Variants in GPRC6A observed in about 807,000 individuals in gnomAD.
GPRC6A encodes the protein G protein-coupled receptor class C group 6 member A.
Under a neutral mutation model 47.0 loss-of-function variants are expected in GPRC6A, and 54 were observed. The observed-to-expected ratio is 1.15, with a 90% CI of 0.92 to 1.44. GPRC6A has a LOEUF of 1.44. GPRC6A is among the 40% of genes most tolerant of loss of function. The probability of loss-of-function intolerance (pLI) is 0.00; values close to 1 mark genes in which losing one functional copy is unlikely to be tolerated. For synonymous variants in GPRC6A, 347 were observed against 377.1 expected (o/e 0.92, Z 0.93); for missense variants, 1,112 against 1,105.5 (o/e 1.01, Z -0.08).
intron 3 of GPRC6A, among the ~76,000 whole-genome samples, chr6:116,801,209 G>A (rs2114587317): frequency 6.6e-6 from 1 of 152,224 alleles, no homozygotes; most frequent in East Asian, 1.9e-4. Flanking sequence ...GATTGAGTAT[G>A]TAGTAAAGTG....
chr6:116,822,370 C>G (rs1413748089), intron 1 of GPRC6A, among the ~76,000 whole-genome samples: 3 of 126,526 alleles, frequency 2.4e-5, no homozygotes, highest in African/African-American at 9.4e-5. Context: ...GGTATATACC[C>G]AAAGGATTAT....
intron 3 of GPRC6A, among the ~76,000 whole-genome samples, chr6:116,803,846 T>C (rs1304156280): frequency 6.6e-6 from 1 of 152,168 alleles, no homozygotes; most frequent in Non-Finnish European, 1.5e-5. Context: ...ATTAGCTGTC[T>C]CACTTATGTA....
At chr6:116,812,215 T>C (rs570617370) in intron 1 of GPRC6A, among the ~76,000 whole-genome samples, 15 of 152,264 alleles carry the variant, frequency 9.9e-5, no homozygotes, top group African/African-American at 3.6e-4. Flanking sequence ...AATGAGATGA[T>C]ATATTTAAAG....
chr6:116,799,149 T>C (rs1213074355), intron 4 of GPRC6A, among the ~76,000 whole-genome samples: 2 of 152,268 alleles, frequency 1.3e-5, no homozygotes, highest in African/African-American at 2.4e-5. Flanking sequence ...TGGGAGAGAA[T>C]ATCAGTTCTG....
chr6:116,796,922 G>T (rs1053638154), intron 4 of GPRC6A, among the ~76,000 whole-genome samples: 133 of 152,226 alleles, frequency 8.7e-4, no homozygotes, highest in African/African-American at 3.0e-3. Context: ...TAGGGTACAT[G>T]TGCACGATGT....
intron 4 of GPRC6A, among the ~76,000 whole-genome samples, chr6:116,797,405 T>C (rs1282740866): frequency 6.6e-6 from 1 of 152,188 alleles, no homozygotes; most frequent in East Asian, 1.9e-4. Flanking sequence ...TTTAGGATTA[T>C]CTGATGTTTT....
chr6:116,806,370 C>A lies in GPRC6A; in HGVS notation c.1335G>T (p.Glu445Asp). ...TTTTCTTGGATGTGTGAGTTAGTACCTCCCATGGTTGAAAGGCGTTGGGGT... is the reference window on the plus strand; with the variant it reads ...TTTTCTTGGATGTGTGAGTTAGTACATCCCATGGTTGAAAGGCGTTGGGGT... ...CQNPNAFQPWELLGVLKNVTF... is the reference protein window; with the variant it reads ...CQNPNAFQPWDLLGVLKNVTF... Residue 445 changes from glutamate to aspartate, a missense_variant and splice_region_variant, in exon 3 of 6, where the codon GAG (glutamate) becomes GAT (aspartate). Physicochemically the swap from Glu to Asp is conservative, Grantham distance 45. Transcript: ENST00000310357. 1 of 1,587,954 alleles carries A rather than the reference C, an allele frequency of 6.3e-7. No homozygotes were observed. Among genetic ancestry groups the A allele is most frequent in the Non-Finnish European group, 8.6e-7 (1 of 1,160,424 alleles).
At chr6:116,814,634 A>G (rs1296789289) in intron 1 of GPRC6A, among the ~76,000 whole-genome samples, 1 of 152,192 alleles carries the variant, frequency 6.6e-6, no homozygotes, top group Non-Finnish European at 1.5e-5. Context: ...GGATAGCATT[A>G]GGAGAAATAC....
At chr6:116,824,055 C>T (rs1324245640) in intron 1 of GPRC6A, among the ~76,000 whole-genome samples, 1 of 151,832 alleles carries the variant, frequency 6.6e-6, no homozygotes, top group Non-Finnish European at 1.5e-5. Context: ...GACACAGATC[C>T]AAACCATATC....
At chr6:116,803,423 G>T (rs1280025138) in intron 3 of GPRC6A, among the ~76,000 whole-genome samples, 2 of 152,000 alleles carry the variant, frequency 1.3e-5, no homozygotes, top group Non-Finnish European at 2.9e-5. Flanking sequence ...TCAAACCTTT[G>T]AACATAGTTT....
chr6:116,814,263 C>T (rs1286644510), intron 1 of GPRC6A, among the ~76,000 whole-genome samples: 1 of 152,074 alleles, frequency 6.6e-6, no homozygotes, highest in Non-Finnish European at 1.5e-5. Context: ...GGTATATACC[C>T]AAAGGATTAT....
chr6:116,794,224 T>C (rs1215331829), intron 5 of GPRC6A, among the ~76,000 whole-genome samples: 2 of 152,170 alleles, frequency 1.3e-5, no homozygotes, highest in Non-Finnish European at 2.9e-5. Flanking sequence ...TTTATTAACC[T>C]CAAAGTAAGG....
chr6:116,802,188 A>G (rs1450212873), intron 3 of GPRC6A, among the ~76,000 whole-genome samples: 1 of 152,154 alleles, frequency 6.6e-6, no homozygotes, highest in Admixed American at 6.6e-5. Flanking sequence ...ATAAACTTCC[A>G]CAATTTTATG....
At chr6:116,818,557 A>T (rs1175095554) in intron 1 of GPRC6A, among the ~76,000 whole-genome samples, 2 of 132,724 alleles carry the variant, frequency 1.5e-5, no homozygotes, top group African/African-American at 5.4e-5. Flanking sequence ...AAAAAAAAAA[A>T]AAAAAAAAAA....
chr6:116,804,398 G>A (rs1772775085), intron 3 of GPRC6A, among the ~76,000 whole-genome samples: 1 of 152,044 alleles, frequency 6.6e-6, no homozygotes, highest in African/African-American at 2.4e-5. Flanking sequence ...AATTTTGCTA[G>A]GGTACAAAGT....
chr6:116,808,789 G>A (rs919905760), intron 2 of GPRC6A, among the ~76,000 whole-genome samples: 1 of 152,056 alleles, frequency 6.6e-6, no homozygotes, highest in African/African-American at 2.4e-5. Context: ...AATTGACTCT[G>A]AGTAATGTTC....
chr6:116,795,698 G>A lies in GPRC6A; in HGVS notation c.1672+14C>T, dbSNP rs1772460377. 1 of 1,598,640 alleles carries A rather than the reference G, an allele frequency of 6.3e-7. No homozygotes were observed. The highest frequency in any genetic ancestry group is 1.3e-5 in the African/African-American group (1 of 74,594). On this transcript the variant is annotated intron_variant, in intron 5 of 5. Coordinates refer to ENST00000310357, the MANE Select transcript of GPRC6A (RefSeq NM_148963.4). ...GAGGAATGATTCAGGTGTATGTGGAGTGACTGTGATTACCTGTCTGATTAG... is the reference window on the plus strand; with the variant it reads ...GAGGAATGATTCAGGTGTATGTGGAATGACTGTGATTACCTGTCTGATTAG...
intron 1 of GPRC6A, among the ~76,000 whole-genome samples, chr6:116,823,843 G>GC (rs1175992498): frequency 6.6e-6 from 1 of 151,982 alleles, no homozygotes; most frequent in Admixed American, 6.6e-5. Context: ...ACCTTACATG[G>GC]CCAGATTAGG....
chr6:116,795,792 A>G lies in GPRC6A; in HGVS notation c.1592T>C (p.Met531Thr). 6.2e-7 allele frequency: 1 copy of G among 1,609,394 alleles called. No individual in the cohort carries two copies. ...GTGTTGACTTCTTGTAGTTTTCTTC[A>G]TTTGCCCAGGACTGCATTCCTTGGA... is the stretch of plus-strand genomic sequence containing the variant. ...KCSKECSPGQ[M>T]KKTTRSQHIC... Residue 531 changes from methionine to threonine, a missense_variant, in exon 5 of 6, where the codon ATG (methionine) becomes ACG (threonine). Transcript: ENST00000310357.
Sources: gnomAD v4.1 joint callset for allele counts (sites outside exome capture counted in the v4.1 genomes callset) on GRCh38, gnomAD v4.1.1 for gene constraint, MANE v1.5 for transcripts, NCBI Gene and HGNC (gene_info 2026-07-23, HGNC 2026-07-21) for gene names.